Variants in HUNK observed in about 807,000 individuals in gnomAD.
The protein encoded by HUNK is hormonally up-regulated Neu-associated kinase, also known as hormonally up-regulated neu tumor-associated kinase.
Under a neutral mutation model 61.0 loss-of-function variants are expected in HUNK, and 21 were observed. The observed-to-expected ratio is 0.34, with a 90% CI of 0.24 to 0.50. The LOEUF is 0.50. Among genes scored for constraint, HUNK ranks in the 20% least tolerant of loss-of-function variants. The pLI is 0.98. For missense variants in HUNK, 772 were observed against 945.7 expected, an observed-to-expected ratio of 0.82 and a Z score of 2.41; for synonymous variants, 371 against 386.1, an observed-to-expected ratio of 0.96 and a Z score of 0.46.
At chr21:31,988,684 CT>C (rs1437345478) in intron 8 of HUNK, among the ~76,000 whole-genome samples, 26 of 132,554 alleles carry the variant, frequency 2.0e-4, no homozygotes, top group African/African-American at 7.1e-4. Flanking sequence ...TCTTTCTTTT[CT>C]TTTTCTTTTT....
At chr21:31,946,006 G>C in intron 3 of HUNK, 30 bp from the exon 4 acceptor site, 1 of 1,545,484 alleles carries the variant, frequency 6.5e-7, no homozygotes, top group Admixed American at 1.8e-5. Flanking sequence ...TTTCTAATTC[G>C]GAGCTTGTTT....
chr21:31,916,431 C>T (rs2052583653), intron 1 of HUNK, among the ~76,000 whole-genome samples: 1 of 152,030 alleles, frequency 6.6e-6, no homozygotes, highest in Non-Finnish European at 1.5e-5. Context: ...ATTACTGGGC[C>T]TGGGTGATTT....
chr21:31,985,931 C>G (rs907539355), intron 8 of HUNK, among the ~76,000 whole-genome samples: 1 of 152,116 alleles, frequency 6.6e-6, no homozygotes, highest in Admixed American at 6.5e-5. Flanking sequence ...GCCTTGACCC[C>G]AGGCTGGATG....
intron 1 of HUNK, among the ~76,000 whole-genome samples, chr21:31,913,733 G>A (rs1272031642): frequency 2.0e-5 from 3 of 151,874 alleles, no homozygotes; most frequent in Non-Finnish European, 2.9e-5. Flanking sequence ...AGGGGTGGAC[G>A]CGTGCCTCCC....
intron 1 of HUNK, among the ~76,000 whole-genome samples, chr21:31,909,600 GGCCAGTGGGGA>G (rs2052532122): frequency 1.3e-5 from 2 of 152,166 alleles, no homozygotes; most frequent in Admixed American, 1.3e-4. Flanking sequence ...GCAGGAGGGT[GGCCAGTGGGGA>G]GCCAGGGGTC....
In HUNK at chr21:31,991,767, A is replaced by C. The variant is rs78754932; in HGVS notation, c.1305+1591A>C. Among the ~76,000 whole-genome samples the C allele has an allele frequency of 1.4e-4, 22 of 152,336 alleles. No individual in the cohort carries two copies. In the East Asian group the frequency reaches 4.2e-3, roughly 29 times the overall value. ...AACTGGACTTGATAGAGTTACTCAAAGAAAACTTACCTCAGCTCCCAGGGC... is the reference window on the plus strand; with the variant it reads ...AACTGGACTTGATAGAGTTACTCAACGAAAACTTACCTCAGCTCCCAGGGC... On this transcript the variant is annotated intron_variant, in intron 9 of 10. Coordinates refer to ENST00000270112, the MANE Select transcript of HUNK (RefSeq NM_014586.2).
At chr21:31,942,400 T>C (rs564276790) in intron 3 of HUNK, among the ~76,000 whole-genome samples, 1 of 152,210 alleles carries the variant, frequency 6.6e-6, no homozygotes, top group Non-Finnish European at 1.5e-5. Context: ...GAATAAGCAA[T>C]GGTGAAATGC....
At chr21:31,933,392 A>T (rs571472191) in intron 2 of HUNK, among the ~76,000 whole-genome samples, 4 of 152,244 alleles carry the variant, frequency 2.6e-5, no homozygotes, top group Non-Finnish European at 5.9e-5. Flanking sequence ...GTTCACGCTT[A>T]TAATCCCAGC....
chr21:31,968,785 T>G, intron 6 of HUNK, among the ~76,000 whole-genome samples: 1 of 148,480 alleles, frequency 6.7e-6, no homozygotes, highest in South Asian at 2.1e-4. Context: ...TATGTCTGCT[T>G]GGGTCTCCAT....
At chr21:31,922,103 A>G (rs1463991880) in intron 1 of HUNK, among the ~76,000 whole-genome samples, 1 of 151,356 alleles carries the variant, frequency 6.6e-6, no homozygotes, top group African/African-American at 2.4e-5. Flanking sequence ...TGCAACCTCT[A>G]CCTCCCAGGT....
At chr21:31,910,108 T>C (rs58587553) in intron 1 of HUNK, among the ~76,000 whole-genome samples, 13,463 of 152,286 alleles carry the variant, frequency 0.088, 662 homozygotes, top group South Asian at 0.19. Flanking sequence ...CTAATAACCA[T>C]CATAAAGGTT....
intron 1 of HUNK, among the ~76,000 whole-genome samples, chr21:31,892,569 GAA>G (rs10562491): frequency 0.26 from 27,161 of 102,666 alleles, 3,817 homozygotes; most frequent in African/African-American, 0.44. Context: ...GACTCTCTCT[GAA>G]AAAAAAAAAA....
chr21:31,966,583 T>G (rs1442258239), intron 5 of HUNK, among the ~76,000 whole-genome samples: 1 of 152,180 alleles, frequency 6.6e-6, no homozygotes, highest in East Asian at 1.9e-4. Flanking sequence ...TTGAGTTGAT[T>G]CTGGCATCAC....
intron 4 of HUNK, among the ~76,000 whole-genome samples, chr21:31,949,217 G>A (rs528794832): frequency 3.3e-5 from 5 of 152,312 alleles, no homozygotes; most frequent in South Asian, 2.1e-4. Context: ...TGCTGATGAC[G>A]GGCCCAGGTG....
At chr21:31,986,191 A>G (rs1281169894) in intron 8 of HUNK, among the ~76,000 whole-genome samples, 1 of 151,942 alleles carries the variant, frequency 6.6e-6, no homozygotes, top group East Asian at 1.9e-4. Context: ...GCTCTGAACC[A>G]GACTCTCCCC....
rs751030404 is a variant in HUNK at position 31,998,711 on chromosome 21, A to T, written c.1672A>T (p.Met558Leu). 56 of 1,614,012 alleles carry T rather than the reference A, an allele frequency of 3.5e-5. No individual in the cohort carries two copies. The highest frequency in any genetic ancestry group is 4.7e-5 in the Non-Finnish European group (56 of 1,180,032). The stretch of plus-strand genomic sequence containing the variant: ...CAAGGAAGACCCCCTGATGCTGGAC[A>T]TGGTGCGCTCCTTCGAGTCTGTGGA... ...PHKEDPLMLD[M>L]VRSFESVDRD... Residue 558 changes from methionine to leucine, a missense_variant, in exon 11 of 11, where the codon ATG (methionine) becomes TTG (leucine). Met to Leu is a conservative substitution (Grantham distance 15). This residue lies in a region of HUNK where 413 missense variants were observed against 444.4 expected (regional missense o/e 0.93). Coordinates refer to ENST00000270112, the MANE Select transcript of HUNK (RefSeq NM_014586.2).
chr21:31,960,909 T>A (rs1200885143), intron 5 of HUNK, among the ~76,000 whole-genome samples: 2 of 152,170 alleles, frequency 1.3e-5, no homozygotes, highest in African/African-American at 4.8e-5. Flanking sequence ...ACTGGGAAAT[T>A]AACATTGATA....
intron 1 of HUNK, among the ~76,000 whole-genome samples, chr21:31,875,562 C>T (rs956896109): frequency 1.6e-4 from 25 of 151,990 alleles, no homozygotes; most frequent in African/African-American, 6.0e-4. Context: ...TTACACTCCT[C>T]GATTCGATTC....
chr21:31,936,672 T>C (rs568357002), intron 2 of HUNK, among the ~76,000 whole-genome samples: 1 of 152,336 alleles, frequency 6.6e-6, no homozygotes, highest in South Asian at 2.1e-4. Context: ...GCCTAATAAT[T>C]ATTTTTAATA....
Sources: gnomAD v4.1 joint callset for allele counts (sites outside exome capture counted in the v4.1 genomes callset) on GRCh38, gnomAD v4.1.1 for gene constraint, gnomAD v4.1.1 regional missense constraint, MANE v1.5 for transcripts, NCBI Gene and HGNC (gene_info 2026-07-23, HGNC 2026-07-21) for gene names.